The following IGF1R variants were observed in gnomAD, a reference collection of about 807,000 sequenced individuals.
IGF1R encodes the protein insulin like growth factor 1 receptor.
A neutral mutation model predicts 144.6 loss-of-function variants in IGF1R; 44 were observed. That is an observed-to-expected ratio of 0.30 (90% CI 0.24 to 0.39). IGF1R has a LOEUF of 0.39. IGF1R is among the 10% of genes least tolerant of loss of function. The pLI, the probability that IGF1R is intolerant of heterozygous loss-of-function variation, is 1.00. For synonymous variants in IGF1R, 795 were observed against 722.8 expected (o/e 1.10, Z -1.60); for missense variants, 1,355 against 1,833.7 (o/e 0.74, Z 4.77).
Position 98,960,721 on chromosome 15 carries a change from A to G in IGF1R, c.*3279A>G, listed in dbSNP as rs1759861209. 1 of 233,464 alleles carries G rather than the reference A, an allele frequency of 4.3e-6. No homozygotes were observed. The highest frequency in any genetic ancestry group is 8.5e-6 in the Non-Finnish European group (1 of 118,136). The allele number at this position is 233,464 out of a possible 1,614,324, so 14.5% of individuals were successfully genotyped here. ...GCAAGAGTCACCCAGCCTGTGCGCC[A>G]GAATGCAGAGGCTCCTGACCTCACA... On this transcript the variant is annotated 3_prime_UTR_variant, in exon 21 of 21. Transcript: ENST00000650285.
At chr15:98,929,304 A>G (rs1427742828) in intron 13 of IGF1R, among the ~76,000 whole-genome samples, 2 of 152,136 alleles carry the variant, frequency 1.3e-5, no homozygotes, top group East Asian at 1.9e-4. Flanking sequence ...CATTGAAACT[A>G]TTGCACCAGA....
intron 2 of IGF1R, among the ~76,000 whole-genome samples, chr15:98,729,679 C>G (rs895582300): frequency 1.3e-5 from 2 of 152,028 alleles, no homozygotes; most frequent in African/African-American, 4.8e-5. Context: ...TGGGGGCCTC[C>G]CTGCCCTTCC....
At chr15:98,684,067 AGTT>A (rs2053259850) in intron 1 of IGF1R, among the ~76,000 whole-genome samples, 1 of 152,144 alleles carries the variant, frequency 6.6e-6, no homozygotes, top group Non-Finnish European at 1.5e-5. Context: ...TCCCTCAGCC[AGTT>A]GTTAAATCAC....
At chr15:98,950,971 G>A (rs1056463249) in intron 20 of IGF1R, among the ~76,000 whole-genome samples, 1 of 152,222 alleles carries the variant, frequency 6.6e-6, no homozygotes, top group Admixed American at 6.5e-5. Flanking sequence ...GGCCAGCGGA[G>A]GGCATGGGGT....
At chr15:98,761,759 C>A (rs1567115706) in intron 2 of IGF1R, among the ~76,000 whole-genome samples, 1 of 152,222 alleles carries the variant, frequency 6.6e-6, no homozygotes, top group Non-Finnish European at 1.5e-5. Flanking sequence ...TCTCCATATT[C>A]CTCCATCCTT....
intron 2 of IGF1R, among the ~76,000 whole-genome samples, chr15:98,865,087 C>G (rs1190131350): frequency 1.3e-5 from 2 of 152,172 alleles, no homozygotes; most frequent in African/African-American, 4.8e-5. Context: ...CACATGCTTG[C>G]TGGACCAAAG....
intron 2 of IGF1R, among the ~76,000 whole-genome samples, chr15:98,796,215 A>T (rs950613917): frequency 6.6e-6 from 1 of 151,906 alleles, no homozygotes; most frequent in Non-Finnish European, 1.5e-5. Flanking sequence ...TGCTGGCGTT[A>T]GTAGTAGACT....
chr15:98,656,931 G>C (rs1174522693), intron 1 of IGF1R, among the ~76,000 whole-genome samples: 1 of 152,168 alleles, frequency 6.6e-6, no homozygotes, highest in African/African-American at 2.4e-5. Flanking sequence ...TTATTTGTCA[G>C]TTTAAAAATA....
chr15:98,876,324 AAAAGAG>A (rs1172829804), intron 2 of IGF1R, among the ~76,000 whole-genome samples: 2 of 151,264 alleles, frequency 1.3e-5, no homozygotes, highest in Admixed American at 6.6e-5. Context: ...TAAAAAAAAA[AAAAGAG>A]AGAGAGAGTC....
At chr15:98,698,794 G>A (rs2053657603) in intron 1 of IGF1R, among the ~76,000 whole-genome samples, 1 of 152,220 alleles carries the variant, frequency 6.6e-6, no homozygotes, top group South Asian at 2.1e-4. Context: ...AGAAGCTTCT[G>A]TTTTGACACC....
At chr15:98,720,991 A>G (rs1413642107) in intron 2 of IGF1R, among the ~76,000 whole-genome samples, 2 of 152,166 alleles carry the variant, frequency 1.3e-5, no homozygotes, top group African/African-American at 4.8e-5. Context: ...GGAGTGATCA[A>G]AGCAAAATTA....
At chr15:98,650,764 C>A in intron 1 of IGF1R, 1 of 372,188 alleles carries the variant, frequency 2.7e-6, no homozygotes, top group Admixed American at 6.4e-5. Context: ...TTGTGGTCGG[C>A]GTCGTGTCGC....
intron 1 of IGF1R, among the ~76,000 whole-genome samples, chr15:98,691,327 A>G (rs946448447): frequency 2.0e-5 from 3 of 150,806 alleles, no homozygotes; most frequent in Non-Finnish European, 2.9e-5. Flanking sequence ...GGTTTTGTGC[A>G]CACTGCCCCT....
At chr15:98,713,023 G>A (rs79996704) in intron 2 of IGF1R, among the ~76,000 whole-genome samples, 4,765 of 151,324 alleles carry the variant, frequency 0.031, 92 homozygotes, top group East Asian at 0.055. Flanking sequence ...CAGCTACCCC[G>A]TGACAACATG....
chr15:98,816,215 A>T (rs2056693440), intron 2 of IGF1R, among the ~76,000 whole-genome samples: 3 of 152,218 alleles, frequency 2.0e-5, no homozygotes, highest in Admixed American at 6.5e-5. Flanking sequence ...AGGTTCCAGC[A>T]GCCAGCTTTG....
chr15:98,677,496 T>C (rs377082453), intron 1 of IGF1R, among the ~76,000 whole-genome samples: 14 of 152,324 alleles, frequency 9.2e-5, no homozygotes, highest in East Asian at 5.8e-4. Flanking sequence ...TGAAAATAAC[T>C]GAAAGCCTGC....
At chr15:98,916,917 G>A in intron 10 of IGF1R, 41 bp downstream of exon 10, 3 of 1,561,920 alleles carry the variant, frequency 1.9e-6, no homozygotes, top group Middle Eastern at 1.7e-4. Context: ...AAAACCCACT[G>A]CTCAGGCCGG....
rs548636072 is a variant in IGF1R, at chr15:98,898,237, A to G, written c.1103-1240A>G. Among the ~76,000 whole-genome samples, 138 of 152,350 alleles carry G rather than the reference A, an allele frequency of 9.1e-4. 1 individual carries two copies. The highest frequency in any genetic ancestry group is 2.9e-3 in the African/African-American group (121 of 41,562). ...CTTTTAATTTGCTTATCCCTAGAAC[A>G]TACCTTTTGAGTGCCTAAACTTTTT... On this transcript the variant is annotated intron_variant, in intron 4 of 20. Coordinates refer to ENST00000650285, the MANE Select transcript of IGF1R (RefSeq NM_000875.5).
At chr15:98,705,437 T>C (rs1007778623) in intron 1 of IGF1R, among the ~76,000 whole-genome samples, 11 of 152,176 alleles carry the variant, frequency 7.2e-5, no homozygotes, top group Non-Finnish European at 1.5e-4. Context: ...ATCTAATGTA[T>C]GTGACTGTGT....
Sources: allele counts gnomAD v4.1 joint callset (sites outside exome capture counted in the v4.1 genomes callset), GRCh38; gene constraint gnomAD v4.1.1; transcripts MANE v1.5; gene names NCBI Gene and HGNC (gene_info 2026-07-23, HGNC 2026-07-21).